NUCB1: variants seen among roughly 807,000 people sequenced by gnomAD.
NUCB1 encodes the protein nucleobindin 1, also known as nucleobindin-1.
NUCB1 carries 47 observed loss-of-function variants against 61.2 expected under a neutral mutation model. The ratio of observed to expected loss-of-function variants is 0.77; its 90% CI spans 0.61 to 0.98. The LOEUF (loss-of-function observed/expected upper bound fraction) is 0.98, where lower values mean the gene tolerates loss of function less well. Ranked by LOEUF, NUCB1 falls within the 50% of genes least tolerant of loss-of-function variation. The probability of loss-of-function intolerance (pLI) is 0.00; values close to 1 mark genes in which losing one functional copy is unlikely to be tolerated. For synonymous variants in NUCB1, 234 were observed against 243.1 expected, an observed-to-expected ratio of 0.96 and a Z score of 0.35; for missense variants, 583 against 605.3, an observed-to-expected ratio of 0.96 and a Z score of 0.39.
At chr19:48,903,745 GGTGGATGGATGGGTGGGTGGATGA>G (rs2037379819) in intron 2 of NUCB1, among the ~76,000 whole-genome samples, 1 of 146,316 alleles carries the variant, frequency 6.8e-6, no homozygotes, top group Non-Finnish European at 1.5e-5. Flanking sequence ...TGGATGGGCG[GGTGGATGGATGGGTGGGTGGATGA>G]GTGGATGGAT....
intron 7 of NUCB1, among the ~76,000 whole-genome samples, chr19:48,914,164 T>G (rs2037512856): frequency 6.6e-6 from 1 of 151,906 alleles, no homozygotes; most frequent in Admixed American, 6.6e-5. Flanking sequence ...TTAGTAGAGA[T>G]GGGGTTTCAC....
chr19:48,914,117 AG>A (rs1367053854), intron 7 of NUCB1, among the ~76,000 whole-genome samples: 6 of 151,824 alleles, frequency 4.0e-5, no homozygotes, highest in Non-Finnish European at 8.8e-5. Context: ...CTGGGATTAC[AG>A]GCATGCACCA....
chr19:48,915,541 C>A (rs961584680), intron 7 of NUCB1, among the ~76,000 whole-genome samples: 1 of 151,980 alleles, frequency 6.6e-6, no homozygotes, highest in African/African-American at 2.4e-5. Context: ...TTAGAAGATT[C>A]TGTAATGGGG....
intron 3 of NUCB1, among the ~76,000 whole-genome samples, chr19:48,904,744 G>A (rs1310553808): frequency 2.0e-5 from 3 of 151,866 alleles, no homozygotes; most frequent in South Asian, 4.2e-4. Flanking sequence ...GGCTGGTCTC[G>A]AACTCCTGAC....
chr19:48,922,224 C>T, intron 12 of NUCB1, 94 bp from the exon 13 acceptor site: 1 of 1,045,148 alleles, frequency 9.6e-7, no homozygotes, highest in Non-Finnish European at 1.5e-6. Flanking sequence ...GGGCTGGACC[C>T]CTGGGTGTGA....
At position 48,921,560 on chromosome 19, in the gene NUCB1, G is replaced by A. The variant is rs193074769; in HGVS notation, c.1173+236G>A. ...TAAGTGAGGAGGGAAAGGCCCAGGAGGGGGAGAAAGGCAGACTCAGCCAGG... is the reference window on the plus strand; with the variant it reads ...TAAGTGAGGAGGGAAAGGCCCAGGAAGGGGAGAAAGGCAGACTCAGCCAGG... On this transcript the variant is annotated intron_variant, in intron 11 of 12. Transcript: ENST00000405315. Among the ~76,000 whole-genome samples, 16 of 152,294 alleles carry A rather than the reference G, an allele frequency of 1.1e-4. No individual in the cohort carries two copies. The South Asian group carries it at 2.5e-3, about 24-fold the overall frequency.
At chr19:48,913,358 T>G (rs2037501324) in intron 6 of NUCB1, 116 bp from the exon 7 acceptor site, 6 of 1,236,038 alleles carry the variant, frequency 4.9e-6, no homozygotes, top group African/African-American at 4.5e-5. Context: ...TGTAGTTTTC[T>G]TAGTTTTCTT....
chr19:48,918,642 C>T, intron 7 of NUCB1, 84 bp from the exon 8 acceptor site: 1 of 1,120,804 alleles, frequency 8.9e-7, no homozygotes, highest in Non-Finnish European at 1.4e-6. Flanking sequence ...ACAGACCCCA[C>T]ATCAGCCCAA....
intron 7 of NUCB1, among the ~76,000 whole-genome samples, chr19:48,913,786 G>A (rs966230821): frequency 1.9e-4 from 29 of 152,036 alleles, no homozygotes; most frequent in African/African-American, 6.5e-4. Context: ...CCAGACCTCG[G>A]GGTTCTAAGG....
At chr19:48,904,578 G>A in intron 3 of NUCB1, 124 bp downstream of exon 3, 1 of 622,330 alleles carries the variant, frequency 1.6e-6, no homozygotes, top group Non-Finnish European at 2.8e-6. Context: ...AGGCTGGAGT[G>A]CGATGGTGCG....
intron 4 of NUCB1, 117 bp downstream of exon 4, chr19:48,906,002 T>C (rs865842730): frequency 4.2e-5 from 40 of 956,690 alleles, no homozygotes; most frequent in Admixed American, 1.4e-4. Context: ...CGCTGCGAAA[T>C]GTGCTGAAAT....
intron 2 of NUCB1, 196 bp downstream of exon 2, chr19:48,901,127 G>A: frequency 1.5e-6 from 1 of 647,888 alleles, no homozygotes; most frequent in Non-Finnish European, 2.8e-6. Flanking sequence ...CTGAGGTGTG[G>A]AAAATCTGCA....
intron 11 of NUCB1, 49 bp from the exon 12 acceptor site, chr19:48,921,778 A>C: frequency 1.3e-6 from 2 of 1,569,054 alleles, no homozygotes; most frequent in Non-Finnish European, 1.7e-6. Context: ...GAGCACTTGC[A>C]ATGCCAGCAT....
intron 5 of NUCB1, among the ~76,000 whole-genome samples, chr19:48,912,662 C>G (rs1452879334): frequency 6.6e-6 from 1 of 151,956 alleles, no homozygotes; most frequent in African/African-American, 2.4e-5. Context: ...ATGGTGAAAC[C>G]TCGTTTCTAC....
At position 48,913,028 on chromosome 19, in the gene NUCB1, C is replaced by T. The variant is rs1364774475; in HGVS notation, c.498C>T (p.Ala166=). ...LLIQTATRDL[A]QYDAAHHEEF... is the part of the protein sequence containing the mutation. ...TTCCCCAGGCCACCCGGGACCTTGC[C>T]CAGTACGACGCAGCCCATCATGAAG... The change falls in exon 6 of 13, where the codon GCC becomes GCT. Residue 166 remains alanine, a synonymous_variant. Transcript: ENST00000405315. 6.2e-7 allele frequency: 1 copy of T among 1,611,330 alleles called. No individual in the cohort carries two copies. The highest frequency in any genetic ancestry group is 1.3e-5 in the African/African-American group (1 of 74,704).
intron 12 of NUCB1, 90 bp downstream of exon 12, chr19:48,922,022 G>C (rs2037615654): frequency 9.6e-7 from 1 of 1,040,586 alleles, no homozygotes; most frequent in Non-Finnish European, 1.4e-6. Context: ...CCAGATCTGA[G>C]GGAAGAGGGA....
In NUCB1 at chr19:48,922,370, A is replaced by G; in HGVS notation, c.1332A>G (p.Ser444=). The change falls in exon 13 of 13, where the codon TCA becomes TCG. Residue 444 remains serine, a synonymous_variant. Coordinates refer to ENST00000405315, the MANE Select transcript of NUCB1 (RefSeq NM_006184.6). Reference sequence around the variant, plus strand: ...GTGACCAGAAGGAGGTGGACACTTCAGAAAAGAAACTTCTCGAGCGGCTCC... The same window carrying G: ...GTGACCAGAAGGAGGTGGACACTTCGGAAAAGAAACTTCTCGAGCGGCTCC... ...PAGDQKEVDT[S]EKKLLERLPE... 1 of 1,613,886 alleles carries G rather than the reference A, an allele frequency of 6.2e-7. No homozygotes were observed. The highest frequency in any genetic ancestry group is 8.5e-7 in the Non-Finnish European group (1 of 1,179,840).
At chr19:48,907,823 C>T (rs1355396252) in intron 4 of NUCB1, among the ~76,000 whole-genome samples, 2 of 152,168 alleles carry the variant, frequency 1.3e-5, no homozygotes, top group African/African-American at 4.8e-5. Flanking sequence ...GCCACACCCG[C>T]CCAACCCTGC....
chr19:48,919,044 C>T lies in NUCB1; in HGVS notation c.831C>T (p.Tyr277=), dbSNP rs758491766. 9.9e-6 allele frequency: 16 copies of T among 1,613,822 alleles called. No homozygotes were observed. The highest frequency in any genetic ancestry group is 3.3e-4 in the Middle Eastern group (2 of 6,052). ...ALFTKELEKV[Y]DPKNEEDDMR... ...TGCTCCTGCAGCTGGAGAAAGTGTA[C>T]GACCCAAAGAATGAGGAGGACGACA... Residue 277 remains tyrosine (Y), a synonymous_variant, in exon 9 of 13, where the codon TAC becomes TAT. Transcript: ENST00000405315.
Sources: allele counts gnomAD v4.1 joint callset (sites outside exome capture counted in the v4.1 genomes callset), GRCh38; gene constraint gnomAD v4.1.1; transcripts MANE v1.5; gene names NCBI Gene and HGNC (gene_info 2026-07-23, HGNC 2026-07-21).